The following C2CD3 variants were observed in gnomAD, a reference collection of about 807,000 sequenced individuals.
C2CD3 encodes the protein C2 domain containing 3 centriole elongation regulator.
C2CD3 carries 148 observed loss-of-function variants against 234.0 expected under a neutral mutation model. That is an observed-to-expected ratio of 0.63 (90% confidence interval 0.55 to 0.72). The LOEUF (loss-of-function observed/expected upper bound fraction) is 0.72, where lower values mean the gene tolerates loss of function less well. C2CD3 is among the 30% of genes least tolerant of loss of function. The pLI, the probability that C2CD3 is intolerant of heterozygous loss-of-function variation, is 0.00. For synonymous variants in C2CD3, 1,000 were observed against 1,035.4 expected (o/e 0.97, Z 0.66); for missense variants, 2,577 against 2,811.5 (o/e 0.92, Z 1.89).
intron 32 of C2CD3, among the ~76,000 whole-genome samples, chr11:74,022,171 C>T (rs942543306): frequency 7.3e-5 from 11 of 151,440 alleles, no homozygotes; most frequent in Non-Finnish European, 2.9e-5. Flanking sequence ...CTAGACAGGG[C>T]AGGGTGAGAA....
chr11:74,094,830 C>T (rs1485206185), intron 17 of C2CD3, among the ~76,000 whole-genome samples: 1 of 152,096 alleles, frequency 6.6e-6, no homozygotes, highest in Non-Finnish European at 1.5e-5. Context: ...CCCTTAGGAA[C>T]AGTGGTTCAG....
chr11:74,086,997 T>C (rs1259924344), intron 20 of C2CD3, among the ~76,000 whole-genome samples: 3 of 152,212 alleles, frequency 2.0e-5, no homozygotes, highest in Non-Finnish European at 4.4e-5. Context: ...TCAACCTCCT[T>C]TAAGTCTCAG....
intron 23 of C2CD3, among the ~76,000 whole-genome samples, chr11:74,077,351 C>T (rs1050041743): frequency 6.6e-6 from 1 of 152,100 alleles, no homozygotes; most frequent in Non-Finnish European, 1.5e-5. Flanking sequence ...CACTCTAGTG[C>T]TACGAAGTTC....
intron 7 of C2CD3, among the ~76,000 whole-genome samples, chr11:74,132,225 C>A (rs1957701123): frequency 6.6e-6 from 1 of 152,118 alleles, no homozygotes. Context: ...GTACTGCATG[C>A]CTGCAGAACC....
At chr11:74,151,990 T>C (rs926570338) in intron 3 of C2CD3, among the ~76,000 whole-genome samples, 1 of 152,084 alleles carries the variant, frequency 6.6e-6, no homozygotes, top group Non-Finnish European at 1.5e-5. Context: ...AACTTGAATA[T>C]AGAGTAATAG....
intron 17 of C2CD3, among the ~76,000 whole-genome samples, chr11:74,094,825 A>G (rs1271637921): frequency 1.3e-5 from 2 of 152,226 alleles, no homozygotes; most frequent in Non-Finnish European, 2.9e-5. Flanking sequence ...TATTTCCCTT[A>G]GGAACAGTGG....
intron 3 of C2CD3, among the ~76,000 whole-genome samples, chr11:74,149,498 T>C (rs983332874): frequency 2.0e-5 from 3 of 152,206 alleles, no homozygotes; most frequent in Non-Finnish European, 4.4e-5. Flanking sequence ...AACATTTGCT[T>C]TGTGTTTTTA....
Position 74,081,970 on chromosome 11 carries a change from T to C in C2CD3, c.4000+2911A>G, listed in dbSNP as rs540799533. Reference sequence around the variant, plus strand: ...GACTTCCTCTTTTCCTAATTGAACATCCTTTATTTCTTTCTCTTGCCTGAT... The same window carrying C: ...GACTTCCTCTTTTCCTAATTGAACACCCTTTATTTCTTTCTCTTGCCTGAT... On this transcript the variant is annotated intron_variant, in intron 22 of 32. Transcript: ENST00000334126. Among the ~76,000 whole-genome samples the C allele has an allele frequency of 2.6e-4, 40 of 152,226 alleles. 2 individuals are homozygous for C. The South Asian group carries it at 8.3e-3, about 32-fold the overall frequency.
rs372443286 is a variant in C2CD3, at chr11:74,078,419, T to C, written c.4299A>G (p.Thr1433=). Residue 1433 remains threonine (T), a synonymous_variant, in exon 23 of 33, where the codon ACA becomes ACG. Coordinates refer to ENST00000334126, the MANE Select transcript of C2CD3 (RefSeq NM_001286577.2). ...LAGHNHIHKN[T]YCYLRYKFYD... ...AGAACTTGTAGCGAAGGTAGCAATA[T>C]GTATTCTTATGAATGTGGTTGTGGC... 5.0e-6 allele frequency: 8 copies of C among 1,614,080 alleles called. No homozygotes were observed. The highest frequency in any genetic ancestry group is 6.8e-6 in the Non-Finnish European group (8 of 1,180,036).
rs953068221 is a variant in C2CD3, at chr11:74,033,535, C to A, written c.6625G>T (p.Ala2209Ser). 1.3e-6 allele frequency: 2 copies of A among 1,536,196 alleles called. No homozygotes were observed. The highest frequency in any genetic ancestry group is 1.7e-6 in the Non-Finnish European group (2 of 1,146,902). Residue 2209 changes from alanine (A) to serine (S), a missense_variant, in exon 31 of 33, where the codon GCT becomes TCT. Ala to Ser is a moderately conservative substitution (Grantham distance 99). Transcript: ENST00000334126. ...TCACTGGTGGCAGCTTCATTCTCAG[C>A]TGGGGCCTCTGACTTGGGCTCCTTG... Reference protein sequence around the residue: ...QNKEPKSEAPAENEAATSELG... With the variant: ...QNKEPKSEAPSENEAATSELG...
At chr11:74,140,456 C>T (rs1229588928) in intron 3 of C2CD3, among the ~76,000 whole-genome samples, 1 of 152,164 alleles carries the variant, frequency 6.6e-6, no homozygotes, top group Non-Finnish European at 1.5e-5. Context: ...GAACCTTTTA[C>T]TACAGGCCAG....
intron 3 of C2CD3, among the ~76,000 whole-genome samples, chr11:74,144,638 G>A (rs908884287): frequency 6.6e-6 from 1 of 151,926 alleles, no homozygotes; most frequent in African/African-American, 2.4e-5. Context: ...AGTGTCTATT[G>A]TTCCTCTATT....
chr11:74,133,777 C>T, intron 5 of C2CD3: 1 of 552,636 alleles, frequency 1.8e-6, no homozygotes, highest in Non-Finnish European at 3.2e-6. Flanking sequence ...GGCATTGTAA[C>T]AATGAATGAA....
In C2CD3 at chr11:74,099,920, C is replaced by T. The variant is rs191949679; in HGVS notation, c.2732+605G>A. Among the ~76,000 whole-genome samples the T allele has an allele frequency of 4.2e-3, 622 of 149,752 alleles. 2 individuals are homozygous for T. Among genetic ancestry groups the T allele is most frequent in the Non-Finnish European group, 7.2e-3 (487 of 67,366 alleles). ...CAAAAAAAAAAAAAAAGAAAAACAA[C>T]AAAAAAGAAACAGTTTGTATTGAGG... On this transcript the variant is annotated intron_variant, in intron 15 of 32. Coordinates refer to ENST00000334126, the MANE Select transcript of C2CD3 (RefSeq NM_001286577.2).
chr11:74,035,147 C>T (rs899643670), intron 30 of C2CD3, among the ~76,000 whole-genome samples: 1 of 152,180 alleles, frequency 6.6e-6, no homozygotes, highest in Non-Finnish European at 1.5e-5. Flanking sequence ...CCTCACAGCA[C>T]CTAACAGAGG....
intron 3 of C2CD3, among the ~76,000 whole-genome samples, chr11:74,156,042 G>A (rs182228915): frequency 1.1e-3 from 161 of 152,158 alleles, no homozygotes; most frequent in African/African-American, 3.6e-3. Flanking sequence ...TTGGGAGGCC[G>A]AGGTGGGCAG....
intron 14 of C2CD3, among the ~76,000 whole-genome samples, chr11:74,100,978 C>T (rs571692443): frequency 9.9e-5 from 15 of 152,284 alleles, no homozygotes; most frequent in African/African-American, 2.9e-4. Context: ...CTGCCAAACT[C>T]GTCCAACCCT....
At chr11:74,075,714 C>T (rs1955005046) in intron 23 of C2CD3, among the ~76,000 whole-genome samples, 1 of 152,110 alleles carries the variant, frequency 6.6e-6, no homozygotes, top group African/African-American at 2.4e-5. Flanking sequence ...CTTCTCAAAG[C>T]AATGTGTAAA....
chr11:74,106,110 C>T (rs1050800462), intron 13 of C2CD3, among the ~76,000 whole-genome samples: 1 of 152,160 alleles, frequency 6.6e-6, no homozygotes, highest in African/African-American at 2.4e-5. Flanking sequence ...TTTTTACTTA[C>T]TCCTCTTATT....
Sources: allele counts gnomAD v4.1 joint callset (sites outside exome capture counted in the v4.1 genomes callset), GRCh38; gene constraint gnomAD v4.1.1; transcripts MANE v1.5; gene names NCBI Gene and HGNC (gene_info 2026-07-23, HGNC 2026-07-21).